NCOR1: variants seen among roughly 807,000 people sequenced by gnomAD.
The protein encoded by NCOR1 is protein phosphatase 1, regulatory subunit 109.
Under a neutral mutation model 288.1 loss-of-function variants are expected in NCOR1, and 63 were observed. That is an observed-to-expected ratio of 0.22 (90% confidence interval 0.18 to 0.27). The LOEUF is 0.27. Ranked by LOEUF, NCOR1 falls within the 10% of genes least tolerant of loss-of-function variation. The pLI, the probability that NCOR1 is intolerant of heterozygous loss-of-function variation, is 1.00. For missense variants in NCOR1, 2,397 were observed against 3,019.2 expected, an observed-to-expected ratio of 0.79 and a Z score of 4.83; for synonymous variants, 1,007 against 1,065.9, an observed-to-expected ratio of 0.94 and a Z score of 1.08.
intron 2 of NCOR1, among the ~76,000 whole-genome samples, chr17:16,190,186 C>T (rs372524680): frequency 1.3e-5 from 2 of 152,262 alleles, no homozygotes; most frequent in African/African-American, 4.8e-5. Context: ...GCTATGACTG[C>T]GTCACTGCAT....
Position 16,058,027 on chromosome 17 carries a change from G to C in NCOR1, c.6048C>G (p.His2016Gln). The C allele has an allele frequency of 1.9e-6, 3 of 1,614,156 alleles. No homozygotes were observed. The highest frequency in any genetic ancestry group is 2.5e-6 in the Non-Finnish European group (3 of 1,180,018). ...PTRQYEGPLH[H>Q]YRPQQESPSP... ...ATGGTGATTCCTGCTGTGGTCGATAGTGATGTAATGGTCCTTCATATTGTC... is the reference window on the plus strand; with the variant it reads ...ATGGTGATTCCTGCTGTGGTCGATACTGATGTAATGGTCCTTCATATTGTC... Residue 2016 changes from histidine to glutamine, a missense_variant, in exon 39 of 46, where the codon CAC becomes CAG. His to Gln is a conservative substitution (Grantham distance 24). Around this residue, in one of 11 missense-constraint regions of NCOR1, gnomAD observed 1,872 missense variants for 2,187.8 expected, o/e 0.86. Coordinates refer to ENST00000268712, the MANE Select transcript of NCOR1 (RefSeq NM_006311.4).
chr17:16,046,788 T>C, intron 42 of NCOR1, 163 bp downstream of exon 42: 1 of 772,972 alleles, frequency 1.3e-6, no homozygotes. Flanking sequence ...ATTAGAACTC[T>C]TCATGGGCTG....
chr17:16,208,494 C>G (rs554181284), intron 1 of NCOR1, among the ~76,000 whole-genome samples: 1 of 152,002 alleles, frequency 6.6e-6, no homozygotes, highest in East Asian at 1.9e-4. Context: ...TGAACCAATC[C>G]CATGTTTACT....
chr17:16,204,166 C>T (rs2091213493), intron 1 of NCOR1, among the ~76,000 whole-genome samples: 1 of 151,832 alleles, frequency 6.6e-6, no homozygotes. Flanking sequence ...AATAACAAGA[C>T]CAATCAGAAA....
At chr17:16,187,517 C>A in intron 2 of NCOR1, among the ~76,000 whole-genome samples, 2 of 142,332 alleles carry the variant, frequency 1.4e-5, no homozygotes, top group African/African-American at 2.6e-5. Context: ...CACAGACAAA[C>A]ATAGAAAACA....
intron 1 of NCOR1, among the ~76,000 whole-genome samples, chr17:16,202,324 C>T (rs1460932995): frequency 6.6e-6 from 1 of 150,956 alleles, no homozygotes; most frequent in African/African-American, 2.4e-5. Context: ...TCACTTGAAC[C>T]TGGGAGGCAG....
Position 16,158,892 on chromosome 17 carries a change from AAG to A in NCOR1, c.619-21_619-20del. On this transcript the variant is annotated intron_variant, in intron 5 of 45. Transcript: ENST00000268712. ...GCTGTTGCTAAGAGATCCAGAAAGA[AAG>A]AGTCAAGCATGTGCTGCACACCACA... 6.3e-7 allele frequency: 1 copy of A among 1,576,884 alleles called. No individual in the cohort carries two copies. Among genetic ancestry groups the A allele is most frequent in the Non-Finnish European group, 8.7e-7 (1 of 1,146,734 alleles).
rs535832805 is a variant in NCOR1 at position 16,127,635 on chromosome 17, GTA to G, written c.1510-1431_1510-1430del. On this transcript the variant is annotated intron_variant, in intron 14 of 45. Coordinates refer to ENST00000268712, the MANE Select transcript of NCOR1 (RefSeq NM_006311.4). ...TGTGTATGTGTATATATACATATATGTATATATGTGTATGTGTATATATACAT... is the reference window on the plus strand; with the variant it reads ...TGTGTATGTGTATATATACATATATGTATATGTGTATGTGTATATATACAT... Among the ~76,000 whole-genome samples the G allele has an allele frequency of 7.1e-4, 96 of 135,088 alleles. 1 individual carries two copies. Among genetic ancestry groups the G allele is most frequent in the Admixed American group, 1.9e-3 (26 of 13,786 alleles). The allele number at this position is 135,088 out of a possible 152,430, so 88.6% of individuals were successfully genotyped here. A position where few individuals can be genotyped will look rare whatever the true frequency, so the allele number is the denominator to read the frequency against.
At chr17:16,193,962 T>G (rs575987712) in intron 2 of NCOR1, among the ~76,000 whole-genome samples, 7 of 152,318 alleles carry the variant, frequency 4.6e-5, no homozygotes, top group African/African-American at 1.4e-4. Context: ...TTTCACCTCA[T>G]ACTTTATTTT....
chr17:16,103,379 A>C (rs1244184538), intron 19 of NCOR1, among the ~76,000 whole-genome samples: 1 of 152,218 alleles, frequency 6.6e-6, no homozygotes, highest in African/African-American at 2.4e-5. Flanking sequence ...TCCACTTCAG[A>C]CCATTCTTTA....
At chr17:16,195,392 G>T (rs1195047855) in intron 1 of NCOR1, among the ~76,000 whole-genome samples, 1 of 151,968 alleles carries the variant, frequency 6.6e-6, no homozygotes, top group Non-Finnish European at 1.5e-5. Flanking sequence ...AATCGCTTGA[G>T]CCTGGAAGGC....
At chr17:16,103,735 G>T (rs1455346681) in intron 19 of NCOR1, among the ~76,000 whole-genome samples, 1 of 152,200 alleles carries the variant, frequency 6.6e-6, no homozygotes, top group East Asian at 1.9e-4. Flanking sequence ...CCTTCTATGG[G>T]CTGGGCGCAC....
At chr17:16,071,284 G>T in intron 30 of NCOR1, 125 bp downstream of exon 30, 2 of 1,387,708 alleles carry the variant, frequency 1.4e-6, no homozygotes, top group East Asian at 2.3e-5. Context: ...AAAAGGTACA[G>T]GAAACTTTCA....
intron 1 of NCOR1, among the ~76,000 whole-genome samples, chr17:16,213,569 T>C (rs1472210588): frequency 6.7e-6 from 1 of 149,288 alleles, no homozygotes; most frequent in Non-Finnish European, 1.5e-5. Flanking sequence ...CATAAATACC[T>C]ACAAGATAGA....
intron 1 of NCOR1, among the ~76,000 whole-genome samples, chr17:16,202,180 C>A (rs1346290859): frequency 6.8e-6 from 1 of 147,578 alleles, no homozygotes; most frequent in Admixed American, 6.9e-5. Flanking sequence ...GCAGAGATTG[C>A]ACCACTGCGT....
intron 3 of NCOR1, among the ~76,000 whole-genome samples, chr17:16,178,176 T>A (rs1006991755): frequency 1.4e-5 from 2 of 147,266 alleles, no homozygotes; most frequent in African/African-American, 5.1e-5. Flanking sequence ...GCACTCCAGT[T>A]TGGGCAAAAA....
intron 2 of NCOR1, among the ~76,000 whole-genome samples, chr17:16,191,563 A>G (rs60314157): frequency 0.031 from 4,717 of 151,784 alleles, 244 homozygotes; most frequent in African/African-American, 0.11. Flanking sequence ...TGACTATGAT[A>G]CCATAGCAAA....
At chr17:16,146,311 TAAA>T in intron 10 of NCOR1, 62 bp downstream of exon 10, 1 of 1,463,274 alleles carries the variant, frequency 6.8e-7, no homozygotes, top group Non-Finnish European at 9.2e-7. Context: ...AAAAAATTTT[TAAA>T]AAAAAGAAAC....
At chr17:16,156,116 C>T (rs1030659601) in intron 6 of NCOR1, among the ~76,000 whole-genome samples, 3 of 152,062 alleles carry the variant, frequency 2.0e-5, no homozygotes, top group African/African-American at 7.2e-5. Context: ...TAATGAGACA[C>T]TGTCTGTTAG....
Sources: allele counts gnomAD v4.1 joint callset (sites outside exome capture counted in the v4.1 genomes callset), GRCh38; gene constraint gnomAD v4.1.1; regional missense constraint gnomAD v4.1.1; transcripts MANE v1.5; gene names NCBI Gene and HGNC (gene_info 2026-07-23, HGNC 2026-07-21).